Variants in SHOC2 observed in about 807,000 individuals in gnomAD.
SHOC2 encodes SHOC2 leucine rich repeat scaffold protein.
In SHOC2, 4 loss-of-function variants were observed where a neutral mutation model predicts 50.2. That is an observed-to-expected ratio of 0.08 (90% confidence interval 0.04 to 0.18). The LOEUF is 0.18. SHOC2 is among the 10% of genes least tolerant of loss of function. The pLI, the probability that SHOC2 is intolerant of heterozygous loss-of-function variation, is 1.00. For synonymous variants in SHOC2, 218 were observed against 244.5 expected, an observed-to-expected ratio of 0.89 and a Z score of 1.01; for missense variants, 388 against 669.6, an observed-to-expected ratio of 0.58 and a Z score of 4.64.
intron 8 of SHOC2, 107 bp downstream of exon 8, chr10:111,009,937 A>G (rs1848537812): frequency 5.4e-6 from 4 of 738,934 alleles, no homozygotes; most frequent in Non-Finnish European, 9.6e-6. Flanking sequence ...AACTGAGGTT[A>G]TATCAGGCTT....
At chr10:110,974,116 T>C (rs1464549321) in intron 2 of SHOC2, among the ~76,000 whole-genome samples, 2 of 152,086 alleles carry the variant, frequency 1.3e-5, no homozygotes, top group East Asian at 3.8e-4. Context: ...TTCAGGCCTT[T>C]ATTCTTTCAT....
chr10:110,986,402 G>A (rs533243937), intron 3 of SHOC2, among the ~76,000 whole-genome samples: 1 of 152,100 alleles, frequency 6.6e-6, no homozygotes, highest in South Asian at 2.1e-4. Flanking sequence ...ATACTATAAT[G>A]TTTATTTAGA....
Position 110,964,560 on chromosome 10 carries a change from G to A in SHOC2, c.202G>A (p.Val68Ile), listed in dbSNP as rs1264314996. ...SAAQPGVAFS[V>I]DNTIKRPNPA... is the part of the protein sequence containing the mutation. ...TGCCCAACCAGGGGTGGCATTTTCAGTTGACAATACGATCAAACGGCCAAA... is the reference window on the plus strand; with the variant it reads ...TGCCCAACCAGGGGTGGCATTTTCAATTGACAATACGATCAAACGGCCAAA... Residue 68 changes from valine to isoleucine, a missense_variant, in exon 2 of 9, where the codon GTT becomes ATT. Around this residue, in one of 5 missense-constraint regions of SHOC2, gnomAD observed 121 missense variants for 145.5 expected, o/e 0.83. Coordinates refer to ENST00000369452, the MANE Select transcript of SHOC2 (RefSeq NM_007373.4). The surrounding 1 kb of genome is among the most constrained non-coding windows in gnomAD (Gnocchi z 4.9). 1.2e-6 allele frequency: 2 copies of A among 1,614,112 alleles called. No individual in the cohort carries two copies. Among genetic ancestry groups the A allele is most frequent in the South Asian group, 1.1e-5 (1 of 91,078 alleles).
At chr10:110,999,116 G>C (rs145766720) in intron 3 of SHOC2, among the ~76,000 whole-genome samples, 1 of 152,176 alleles carries the variant, frequency 6.6e-6, no homozygotes, top group Non-Finnish European at 1.5e-5. Flanking sequence ...GTTGACACAG[G>C]CTTCCACTTC....
chr10:111,011,705 A>G lies in SHOC2; in HGVS notation c.1636A>G (p.Met546Val). The G allele has an allele frequency of 6.2e-7, 1 of 1,613,914 alleles. No individual in the cohort carries two copies. Among genetic ancestry groups the G allele is most frequent in the Non-Finnish European group, 8.5e-7 (1 of 1,179,852 alleles). Residue 546 changes from methionine (M) to valine (V), a missense_variant, in exon 9 of 9, where the codon ATG becomes GTG. Met to Val is a conservative substitution (Grantham distance 21, BLOSUM62 1). Around this residue, in one of 5 missense-constraint regions of SHOC2, gnomAD observed 130 missense variants for 208.6 expected, o/e 0.62. Coordinates refer to ENST00000369452, the MANE Select transcript of SHOC2 (RefSeq NM_007373.4). ...ELALCSKLSI[M>V]SIENCPLSHL... ...GGCACTCTGCAGCAAGCTTTCAATC[A>G]TGAGTATTGAGAACTGTCCACTCAG... is the stretch of plus-strand genomic sequence containing the variant.
rs916062956 is a variant in SHOC2 at position 111,009,916 on chromosome 10, A to G, written c.1540+86A>G. 2.2e-5 allele frequency: 18 copies of G among 820,670 alleles called. No individual in the cohort carries two copies. In the Middle Eastern group the frequency reaches 6.8e-4, roughly 31 times the overall value. The allele number at this position is 820,670 out of a possible 1,614,324, so 50.8% of individuals were successfully genotyped here. Reference sequence around the variant, plus strand: ...TATTTCAGATAAATATGACAAATCTATTGTTTTTTAAACTGAGGTTATATC... The same window carrying G: ...TATTTCAGATAAATATGACAAATCTGTTGTTTTTTAAACTGAGGTTATATC... On this transcript the variant is annotated intron_variant, in intron 8 of 8. Coordinates refer to ENST00000369452, the MANE Select transcript of SHOC2 (RefSeq NM_007373.4).
intron 6 of SHOC2, among the ~76,000 whole-genome samples, chr10:111,008,705 G>A (rs942373141): frequency 2.6e-5 from 4 of 152,040 alleles, no homozygotes; most frequent in Admixed American, 6.6e-5. Context: ...AGAACCTTAC[G>A]TATCTGTTTT....
At position 110,931,256 on chromosome 10, in the gene SHOC2, A is replaced by T. The variant is rs1011098809; in HGVS notation, c.-235+11599A>T. On this transcript the variant is annotated intron_variant, in intron 1 of 8. Transcript: ENST00000369452. ...ATTCTAGTTAAATGGACAAGTGTAG[A>T]ACATTTTATTTTTGTGGACAGCCGT... is the stretch of plus-strand genomic sequence containing the variant. Among the ~76,000 whole-genome samples, 9 of 152,294 alleles carry T rather than the reference A, an allele frequency of 5.9e-5. No homozygotes were observed. In the East Asian group the frequency reaches 1.7e-3, roughly 29 times the overall value.
At chr10:111,010,269 A>G (rs1423504968) in intron 8 of SHOC2, among the ~76,000 whole-genome samples, 1 of 152,144 alleles carries the variant, frequency 6.6e-6, no homozygotes, top group Non-Finnish European at 1.5e-5. Flanking sequence ...CATTTCCATT[A>G]TTTTATGTAA....
intron 8 of SHOC2, among the ~76,000 whole-genome samples, chr10:111,010,968 A>T (rs1181785589): frequency 6.6e-6 from 1 of 152,212 alleles, no homozygotes; most frequent in Admixed American, 6.5e-5. Context: ...ACATGAGGCA[A>T]ATTTACACCT....
At chr10:110,952,288 G>A (rs1732228760) in intron 1 of SHOC2, among the ~76,000 whole-genome samples, 1 of 152,060 alleles carries the variant, frequency 6.6e-6, no homozygotes, top group Admixed American at 6.6e-5. Context: ...CACCCTACAA[G>A]CGAAGTCTTC....
intron 1 of SHOC2, among the ~76,000 whole-genome samples, chr10:110,953,457 T>C (rs1467833230): frequency 1.3e-5 from 2 of 152,206 alleles, no homozygotes; most frequent in Non-Finnish European, 2.9e-5. Flanking sequence ...TGTCTTTTTG[T>C]GGCTTGATAG....
At position 110,950,423 on chromosome 10, in the gene SHOC2, ATAT is replaced by A. The variant is rs1299672085; in HGVS notation, c.-234-13696_-234-13694del. On this transcript the variant is annotated intron_variant, in intron 1 of 8. Transcript: ENST00000369452. ...TCCTGTTTTTGAATTTGAAGAATTA[ATAT>A]TATTAAAATGTCCATACTACCCAAA... is the stretch of plus-strand genomic sequence containing the variant. Among the ~76,000 whole-genome samples, 5 of 152,324 alleles carry A rather than the reference ATAT, an allele frequency of 3.3e-5. No individual in the cohort carries two copies. The East Asian group carries it at 9.6e-4, about 29-fold the overall frequency.
chr10:110,951,100 A>G (rs183685392), intron 1 of SHOC2, among the ~76,000 whole-genome samples: 4 of 152,338 alleles, frequency 2.6e-5, no homozygotes, highest in Admixed American at 2.6e-4. Context: ...GTGAACAATA[A>G]TTGACAGAAT....
intron 5 of SHOC2, among the ~76,000 whole-genome samples, chr10:111,006,699 A>G (rs1045663973): frequency 1.3e-5 from 2 of 152,324 alleles, no homozygotes; most frequent in African/African-American, 4.8e-5. Flanking sequence ...ATTAACATAA[A>G]GGATATAAAA....
chr10:110,999,882 A>AG (rs1848338229), intron 3 of SHOC2, among the ~76,000 whole-genome samples: 1 of 151,798 alleles, frequency 6.6e-6, no homozygotes, highest in African/African-American at 2.4e-5. Flanking sequence ...AGTTTTGGGG[A>AG]GGGGGTTGAG....
chr10:110,999,346 A>G lies in SHOC2; in HGVS notation c.842-1069A>G, dbSNP rs559401417. 2.9e-3 allele frequency among the ~76,000 whole-genome samples: 442 copies of G among 152,326 alleles called. 7 individuals carry two copies. In the Middle Eastern group the frequency reaches 0.044, roughly 15 times the overall value. On this transcript the variant is annotated intron_variant, in intron 3 of 8. Transcript: ENST00000369452. The stretch of plus-strand genomic sequence containing the variant: ...TATTTTTAACGTATATTGTTTGCAG[A>G]ATTGAATTTGAGTTGAACCATATAT...
Position 110,976,092 on chromosome 10 carries a change from G to T in SHOC2, c.704-9536G>T, listed in dbSNP as rs1053393945. Among the ~76,000 whole-genome samples the T allele has an allele frequency of 4.6e-5, 7 of 152,132 alleles. No homozygotes were observed. In the East Asian group the frequency reaches 1.4e-3, roughly 29 times the overall value. Reference sequence around the variant, plus strand: ...TACCCGGCTAATTTTTGTATTTTTAGTAGAGACGGGGTTTCACCATGTTAG... The same window carrying T: ...TACCCGGCTAATTTTTGTATTTTTATTAGAGACGGGGTTTCACCATGTTAG... On this transcript the variant is annotated intron_variant, in intron 2 of 8. Coordinates refer to ENST00000369452, the MANE Select transcript of SHOC2 (RefSeq NM_007373.4).
chr10:110,998,961 G>A (rs1365982141), intron 3 of SHOC2, among the ~76,000 whole-genome samples: 1 of 152,214 alleles, frequency 6.6e-6, no homozygotes, highest in African/African-American at 2.4e-5. Flanking sequence ...TTTTCTGTAA[G>A]TATTGTAGTA....
Sources: allele counts gnomAD v4.1 joint callset (sites outside exome capture counted in the v4.1 genomes callset), GRCh38; gene constraint gnomAD v4.1.1; regional missense constraint gnomAD v4.1.1; non-coding constraint Gnocchi (gnomAD v3.1); transcripts MANE v1.5; gene names NCBI Gene and HGNC (gene_info 2026-07-23, HGNC 2026-07-21).